Variants in SLC1A1 observed in about 807,000 individuals in gnomAD.
The protein encoded by SLC1A1 is excitatory amino acid transporter 3.
Under a neutral mutation model 53.3 loss-of-function variants are expected in SLC1A1, and 43 were observed. The ratio of observed to expected loss-of-function variants is 0.81; its 90% confidence interval spans 0.63 to 1.04. The LOEUF (loss-of-function observed/expected upper bound fraction) is 1.04, where lower values mean the gene tolerates loss of function less well. SLC1A1 is among the 50% of genes least tolerant of loss of function. SLC1A1 has a pLI of 0.00. For missense variants in SLC1A1, 748 were observed against 664.9 expected (o/e 1.12, Z -1.37); for synonymous variants, 307 against 243.2 (o/e 1.26, Z -2.44).
At chr9:4,571,006 T>C (rs10217732) in intron 6 of SLC1A1, among the ~76,000 whole-genome samples, 3,613 of 152,000 alleles carry the variant, frequency 0.024, 160 homozygotes, top group African/African-American at 0.082. Context: ...ATAGACTGGA[T>C]AAAGAAAATG....
At chr9:4,564,665 G>T (rs753771867) in intron 4 of SLC1A1, among the ~76,000 whole-genome samples, 40 of 152,314 alleles carry the variant, frequency 2.6e-4, no homozygotes, top group South Asian at 8.3e-4. Flanking sequence ...GAAGAAACAG[G>T]CTTCCGCATC....
At chr9:4,547,455 A>G (rs909063311) in intron 2 of SLC1A1, among the ~76,000 whole-genome samples, 7 of 152,212 alleles carry the variant, frequency 4.6e-5, no homozygotes, top group Admixed American at 3.9e-4. Context: ...ATATGAACAA[A>G]GCAGGGTGGG....
intron 2 of SLC1A1, among the ~76,000 whole-genome samples, chr9:4,557,565 C>T (rs528388853): frequency 1.3e-5 from 2 of 151,790 alleles, no homozygotes; most frequent in South Asian, 2.1e-4. Context: ...GTGGGAGGAT[C>T]GCTGGAGCTC....
intron 1 of SLC1A1, among the ~76,000 whole-genome samples, chr9:4,492,571 G>C (rs1820275680): frequency 6.6e-6 from 1 of 152,068 alleles, no homozygotes; most frequent in Non-Finnish European, 1.5e-5. Flanking sequence ...GGCCAAGGAA[G>C]GAGGATTGCT....
At chr9:4,511,632 A>G (rs374359672) in intron 1 of SLC1A1, among the ~76,000 whole-genome samples, 2 of 151,542 alleles carry the variant, frequency 1.3e-5, no homozygotes, top group Admixed American at 6.6e-5. Context: ...TTTAATGCTG[A>G]AAGTCTGAAT....
At chr9:4,573,806 C>T (rs1820291303) in intron 7 of SLC1A1, 101 bp from the exon 8 acceptor site, 1 of 819,232 alleles carries the variant, frequency 1.2e-6, no homozygotes, top group African/African-American at 1.7e-5. Flanking sequence ...AGTGTGCATG[C>T]CAAGCTGAGG....
At chr9:4,576,837 A>C in intron 10 of SLC1A1, 74 bp downstream of exon 10, 1 of 1,360,462 alleles carries the variant, frequency 7.4e-7, no homozygotes, top group South Asian at 1.2e-5. Context: ...CCATGAAGGG[A>C]CACCAAGAAT....
Position 4,561,546 on chromosome 9 carries a change from T to G in SLC1A1, c.325+5T>G, listed in dbSNP as rs1818940178. On this transcript the variant is annotated splice_donor_5th_base_variant and intron_variant, in intron 3 of 11. Coordinates refer to ENST00000262352, the MANE Select transcript of SLC1A1 (RefSeq NM_004170.6). The stretch of plus-strand genomic sequence containing the variant: ...CTCTCATTGCTGTTATTCTAGGTAA[T>G]ACTTATTTCTGAATCCTTACTACTT... 6.7e-7 allele frequency: 1 copy of G among 1,490,478 alleles called. No individual in the cohort carries two copies. The highest frequency in any genetic ancestry group is 1.4e-5 in the African/African-American group (1 of 72,408). The allele number at this position is 1,490,478 out of a possible 1,614,324, so 92.3% of individuals were successfully genotyped here. A position where few individuals can be genotyped will look rare whatever the true frequency, so the allele number is the denominator to read the frequency against.
chr9:4,506,245 T>C (rs1820806260), intron 1 of SLC1A1, among the ~76,000 whole-genome samples: 2 of 152,238 alleles, frequency 1.3e-5, no homozygotes, highest in African/African-American at 4.8e-5. Context: ...GCATGAGCCA[T>C]CATGCCCGGC....
chr9:4,551,316 C>T (rs1390792257), intron 2 of SLC1A1, among the ~76,000 whole-genome samples: 5 of 152,044 alleles, frequency 3.3e-5, no homozygotes, highest in African/African-American at 7.2e-5. Context: ...CGTGCCTCCC[C>T]GAGACAAGGT....
chr9:4,544,721 A>T lies in SLC1A1; in HGVS notation c.232+14A>T, dbSNP rs45518336. The T allele has an allele frequency of 0.25, 402,012 of 1,602,168 alleles. 51,753 individuals carry two copies. The highest frequency in any genetic ancestry group is 0.33 in the South Asian group (30,208 of 90,808). ...GCATGATTACAGGTACCTTGAGAAA[A>T]CAGATGTTCTCTATATTAGTCCATT... is the stretch of plus-strand genomic sequence containing the variant. On this transcript the variant is annotated intron_variant, in intron 2 of 11. Transcript: ENST00000262352.
chr9:4,576,941 T>C (rs1314176363), intron 10 of SLC1A1, among the ~76,000 whole-genome samples, 178 bp downstream of exon 10: 2 of 152,254 alleles, frequency 1.3e-5, no homozygotes, highest in East Asian at 3.9e-4. Context: ...TGCTTCGGGG[T>C]CTGGGTAGCC....
chr9:4,582,938 G>T, intron 10 of SLC1A1, 100 bp from the exon 11 acceptor site: 2 of 1,457,544 alleles, frequency 1.4e-6, no homozygotes, highest in Non-Finnish European at 1.9e-6. Flanking sequence ...GGACACAGCA[G>T]TAATAGCCAT....
In SLC1A1 at chr9:4,490,758, G is replaced by T; in HGVS notation, c.79G>T (p.Ala27Ser). The T allele has an allele frequency of 6.2e-7, 1 of 1,611,842 alleles. No homozygotes were observed. The highest frequency in any genetic ancestry group is 1.3e-5 in the African/African-American group (1 of 74,972). ...NNWVLLSTVAAVVLGITTGVL... is the reference protein window; with the variant it reads ...NNWVLLSTVASVVLGITTGVL... ...CTGGGTGTTGCTGTCCACCGTGGCC[G>T]CGGTGGTGCTAGGTGAGCGGCGCGG... The change falls in exon 1 of 12, where the codon GCG (alanine) becomes TCG (serine). Residue 27 changes from alanine to serine, a missense_variant. Physicochemically the swap from Ala to Ser is moderately conservative, Grantham distance 99. Transcript: ENST00000262352.
At chr9:4,495,477 G>C (rs929126405) in intron 1 of SLC1A1, among the ~76,000 whole-genome samples, 2 of 152,164 alleles carry the variant, frequency 1.3e-5, no homozygotes, top group Non-Finnish European at 2.9e-5. Context: ...GTGTTCTGGA[G>C]TAGTATAGAG....
At chr9:4,575,463 C>T (rs982967378) in intron 8 of SLC1A1, among the ~76,000 whole-genome samples, 4 of 152,092 alleles carry the variant, frequency 2.6e-5, no homozygotes, top group South Asian at 2.1e-4. Flanking sequence ...AGACAGTGGG[C>T]GCCACCAGCA....
rs894030738 is a variant in SLC1A1 at position 4,537,670 on chromosome 9, C to A, written c.92-6897C>A. On this transcript the variant is annotated intron_variant, in intron 1 of 11. Coordinates refer to ENST00000262352, the MANE Select transcript of SLC1A1 (RefSeq NM_004170.6). ...CATGCTACGTGAAATAAGCCAGATACAAAAGGCTGCATCTTGTATGATTAC... is the reference window on the plus strand; with the variant it reads ...CATGCTACGTGAAATAAGCCAGATAAAAAAGGCTGCATCTTGTATGATTAC... 5.1e-4 allele frequency among the ~76,000 whole-genome samples: 77 copies of A among 150,620 alleles called. 1 individual carries two copies. The highest frequency in any genetic ancestry group is 9.6e-4 in the Non-Finnish European group (65 of 67,782).
At chr9:4,565,382 G>A (rs1381441148) in intron 4 of SLC1A1, among the ~76,000 whole-genome samples, 1 of 152,178 alleles carries the variant, frequency 6.6e-6, no homozygotes, top group East Asian at 1.9e-4. Flanking sequence ...AACTACCTGG[G>A]ACTGGGTAAT....
chr9:4,567,697 C>T lies in SLC1A1; in HGVS notation c.512C>T (p.Pro171Leu), dbSNP rs1819620386. The change falls in exon 6 of 12, where the codon CCT becomes CTT. Residue 171 changes from proline (P) to leucine (L), a missense_variant. Pro to Leu is a moderately conservative substitution (Grantham distance 98). Transcript: ENST00000262352. ...QYKTKREEVK[P>L]PSDPEMNMTE... ...AAAACTAAGCGTGAAGAAGTGAAGC[C>T]TCCCAGCGATCCAGAGATGAACATG... is the stretch of plus-strand genomic sequence containing the variant. 1.2e-6 allele frequency: 2 copies of T among 1,613,150 alleles called. No homozygotes were observed. The highest frequency in any genetic ancestry group is 1.7e-6 in the Non-Finnish European group (2 of 1,179,286).
Sources: allele counts gnomAD v4.1 joint callset (sites outside exome capture counted in the v4.1 genomes callset), GRCh38; gene constraint gnomAD v4.1.1; transcripts MANE v1.5; gene names NCBI Gene and HGNC (gene_info 2026-07-23, HGNC 2026-07-21).